Variants in EXOSC8 observed in about 807,000 individuals in gnomAD.
EXOSC8 encodes exosome complex component RRP43.
A neutral mutation model predicts 39.9 loss-of-function variants in EXOSC8; 37 were observed. The observed-to-expected ratio is 0.93, with a 90% CI of 0.71 to 1.22. EXOSC8 has a LOEUF of 1.22. EXOSC8 is among the 50% of genes most tolerant of loss of function. The pLI is 0.00. For missense variants in EXOSC8, 313 were observed against 326.6 expected (o/e 0.96, Z 0.32); for synonymous variants, 93 against 109.5 (o/e 0.85, Z 0.94).
chr13:37,006,887 A>C, intron 7 of EXOSC8, 88 bp from the exon 8 acceptor site: 1 of 758,806 alleles, frequency 1.3e-6, no homozygotes, highest in Non-Finnish European at 2.3e-6. Flanking sequence ...TGTTTAACCA[A>C]GGGTTCTGTG....
chr13:37,009,014 G>A (rs530389281), intron 10 of EXOSC8, among the ~76,000 whole-genome samples, 170 bp from the exon 11 acceptor site: 2 of 152,282 alleles, frequency 1.3e-5, no homozygotes, highest in Non-Finnish European at 2.9e-5. Flanking sequence ...TTAAACTTAA[G>A]ACATACATTA....
rs772589627 is a variant in EXOSC8 at position 37,002,487 on chromosome 13, G to T, written c.55-1G>T. 6.4e-7 allele frequency: 1 copy of T among 1,556,338 alleles called. No homozygotes were observed. The highest frequency in any genetic ancestry group is 8.7e-7 in the Non-Finnish European group (1 of 1,144,500). On this transcript the variant is annotated splice_acceptor_variant, in intron 2 of 10. Coordinates refer to ENST00000389704, the MANE Select transcript of EXOSC8 (RefSeq NM_181503.3). LOFTEE classifies it high-confidence loss of function. ...ATTTTTATATAAACATATTTATTTA[G>T]AAAGAGAACTGCCGTCCTGATGGAA...
chr13:37,004,161 C>T (rs373884348), intron 4 of EXOSC8: 55 of 172,634 alleles, frequency 3.2e-4, no homozygotes, highest in African/African-American at 1.2e-3. Flanking sequence ...TGTGAGCCAC[C>T]GCGCCCAGCT....
chr13:37,007,141 T>C, intron 8 of EXOSC8, 70 bp downstream of exon 8: 3 of 976,746 alleles, frequency 3.1e-6, no homozygotes, highest in East Asian at 2.4e-5. Context: ...AAACTTTTAA[T>C]GTACATTTGC....
chr13:37,000,950 C>A, intron 1 of EXOSC8, 128 bp downstream of exon 1: 3 of 1,178,934 alleles, frequency 2.5e-6, no homozygotes, highest in Non-Finnish European at 3.5e-6. Flanking sequence ...CTCGTCGAGG[C>A]AGACGATGGG....
intron 4 of EXOSC8, 137 bp downstream of exon 4, chr13:37,003,144 T>C (rs766573288): frequency 9.9e-6 from 6 of 603,276 alleles, no homozygotes; most frequent in Non-Finnish European, 1.5e-5. Flanking sequence ...CCAAGAGCTT[T>C]CACTATGAGT....
At chr13:37,001,197 T>A (rs1185983312) in intron 1 of EXOSC8, among the ~76,000 whole-genome samples, 1 of 152,062 alleles carries the variant, frequency 6.6e-6, no homozygotes, top group East Asian at 1.9e-4. Context: ...TCACCTGACG[T>A]CAGGAGTTCG....
chr13:37,002,366 GA>G (rs1395212112), intron 2 of EXOSC8, 57 bp downstream of exon 2: 100 of 1,463,396 alleles, frequency 6.8e-5, no homozygotes, highest in Non-Finnish European at 9.4e-5. Context: ...TTTTAAAGAT[GA>G]ATTTCAAGTA....
chr13:37,008,041 A>G lies in EXOSC8; in HGVS notation c.488-16A>G, dbSNP rs779713251. 6.4e-7 allele frequency: 1 copy of G among 1,561,410 alleles called. No individual in the cohort carries two copies. Among genetic ancestry groups the G allele is most frequent in the South Asian group, 1.2e-5 (1 of 85,568 alleles). ...TCTTAGAGACTTACTTACTTTACAAATTTGCCTTTTCTTAGTACAGTTGCC... is the reference window on the plus strand; with the variant it reads ...TCTTAGAGACTTACTTACTTTACAAGTTTGCCTTTTCTTAGTACAGTTGCC... On this transcript the variant is annotated splice_polypyrimidine_tract_variant and intron_variant, in intron 8 of 10. Coordinates refer to ENST00000389704, the MANE Select transcript of EXOSC8 (RefSeq NM_181503.3).
Position 37,004,361 on chromosome 13 carries a change from A to G in EXOSC8, c.193-155A>G, listed in dbSNP as rs146999234. ...GTACTGTAGTGCCTTCTTATCTTGT[A>G]GAGCTATTGTGAGGATCAGCACCAA... On this transcript the variant is annotated intron_variant, in intron 4 of 10. Coordinates refer to ENST00000389704, the MANE Select transcript of EXOSC8 (RefSeq NM_181503.3). The G allele has an allele frequency of 4.8e-4, 286 of 597,296 alleles. 1 individual carries two copies. The African/African-American group carries it at 5.0e-3, about 11-fold the overall frequency. 37.0% of individuals were successfully genotyped at this position (597,296 alleles called of 1,614,324 possible). A position where few individuals can be genotyped will look rare whatever the true frequency, so the allele number is the denominator to read the frequency against.
At chr13:37,009,163 A>G (rs2059192916) in intron 10 of EXOSC8, 21 bp from the exon 11 acceptor site, 1 of 1,473,834 alleles carries the variant, frequency 6.8e-7, no homozygotes, top group African/African-American at 1.4e-5. Context: ...GATTAAAAGT[A>G]TTGGCAAAAT....
chr13:37,007,561 T>C (rs1000916818), intron 8 of EXOSC8, among the ~76,000 whole-genome samples: 1 of 152,142 alleles, frequency 6.6e-6, no homozygotes, highest in African/African-American at 2.4e-5. Context: ...AACAAATAAT[T>C]GGAGGTGGAA....
intron 7 of EXOSC8, 128 bp from the exon 8 acceptor site, chr13:37,006,847 A>C: frequency 1.7e-6 from 1 of 605,086 alleles, no homozygotes. Context: ...CATTTTCTTA[A>C]GGTTTTTGAG....
At chr13:37,008,673 T>C in intron 9 of EXOSC8, 56 bp from the exon 10 acceptor site, 3 of 1,123,750 alleles carry the variant, frequency 2.7e-6, no homozygotes, top group Non-Finnish European at 4.0e-6. Flanking sequence ...ATGTTTAGTA[T>C]TTTAAAGTAA....
rs747508497 is a variant in EXOSC8, at chr13:37,008,853, C to T, written c.715+18C>T. On this transcript the variant is annotated intron_variant, in intron 10 of 10. Coordinates refer to ENST00000389704, the MANE Select transcript of EXOSC8 (RefSeq NM_181503.3). ...CAAACCAGGCATGTTCCCGCCACTT[C>T]AGTCCTAAACATATGTAGATGAAAA... The T allele has an allele frequency of 1.4e-6, 2 of 1,460,794 alleles. No homozygotes were observed. The highest frequency in any genetic ancestry group is 1.1e-5 in the South Asian group (1 of 87,782). The allele number at this position is 1,460,794 out of a possible 1,614,324, so 90.5% of individuals were successfully genotyped here. A position where few individuals can be genotyped will look rare whatever the true frequency, so the allele number is the denominator to read the frequency against.
At chr13:37,004,405 C>A in intron 4 of EXOSC8, 111 bp from the exon 5 acceptor site, 1 of 732,366 alleles carries the variant, frequency 1.4e-6, no homozygotes, top group Non-Finnish European at 2.4e-6. Flanking sequence ...GAGGCCCTGA[C>A]ACAATTCCCT....
intron 3 of EXOSC8, 92 bp from the exon 4 acceptor site, chr13:37,002,842 C>A: frequency 1.2e-6 from 1 of 859,426 alleles, no homozygotes; most frequent in Non-Finnish European, 1.9e-6. Context: ...TAATCGTACA[C>A]AGCAAACTAA....
chr13:37,000,867 C>A lies in EXOSC8; in HGVS notation c.17+45C>A, dbSNP rs778807211. 5.5e-6 allele frequency: 8 copies of A among 1,465,906 alleles called. No individual in the cohort carries two copies. In the South Asian group the frequency reaches 1.1e-4, roughly 19 times the overall value. The allele number at this position is 1,465,906 out of a possible 1,614,324, so 90.8% of individuals were successfully genotyped here. The stretch of plus-strand genomic sequence containing the variant: ...GGGTAGAGTTCTGTACCCTGGCGGA[C>A]GGCAGCTTCCTTTAACTCTTAGCTG... On this transcript the variant is annotated intron_variant, in intron 1 of 10. Coordinates refer to ENST00000389704, the MANE Select transcript of EXOSC8 (RefSeq NM_181503.3).
intron 1 of EXOSC8, chr13:37,001,390 CAG>C: frequency 6.6e-6 from 1 of 152,472 alleles, no homozygotes; most frequent in Admixed American, 6.5e-5. Flanking sequence ...GCCTGGGCGA[CAG>C]AGTGAGACTC....
Sources: gnomAD v4.1 joint callset for allele counts (sites outside exome capture counted in the v4.1 genomes callset) on GRCh38, gnomAD v4.1.1 for gene constraint, MANE v1.5 for transcripts, NCBI Gene and HGNC (gene_info 2026-07-23, HGNC 2026-07-21) for gene names.